Variants in SHROOM4 observed in about 807,000 individuals in gnomAD.
SHROOM4 encodes shroom family member 4, also known as protein Shroom4.
Under a neutral mutation model 80.3 loss-of-function variants are expected in SHROOM4, and 17 were observed. That is an observed-to-expected ratio of 0.21 (90% confidence interval 0.14 to 0.32). SHROOM4 has a LOEUF of 0.32. Among genes scored for constraint, SHROOM4 ranks in the 10% least tolerant of loss-of-function variants. The probability of loss-of-function intolerance (pLI) is 1.00; values close to 1 mark genes in which losing one functional copy is unlikely to be tolerated. For synonymous variants in SHROOM4, 400 were observed against 437.5 expected, an observed-to-expected ratio of 0.91 and a Z score of 1.07; for missense variants, 993 against 1,140.3, an observed-to-expected ratio of 0.87 and a Z score of 1.86.
At chrX:50,620,082 C>T (rs1930511760) in intron 5 of SHROOM4, among the ~76,000 whole-genome samples, 1 of 111,440 alleles carries the variant, frequency 9.0e-6, no homozygotes, top group African/African-American at 3.3e-5. Flanking sequence ...TTACAAAGCC[C>T]TTGATCTTTA....
chrX:50,686,254 C>T (rs1381828253), intron 2 of SHROOM4, among the ~76,000 whole-genome samples: 1 of 110,228 alleles, frequency 9.1e-6, no homozygotes, highest in Non-Finnish European at 1.9e-5. Context: ...CCAGGATGGT[C>T]GCGATCTCCT....
chrX:50,633,716 G>A lies in SHROOM4; in HGVS notation c.2357C>T (p.Thr786Ile), dbSNP rs782756007. The A allele has an allele frequency of 1.7e-6, 2 of 1,212,057 alleles. No individual in the cohort carries two copies. Among genetic ancestry groups the A allele is most frequent in the South Asian group, 3.5e-5 (2 of 56,995 alleles). Residue 786 changes from threonine (T) to isoleucine (I), a missense_variant, in exon 4 of 9, where the codon ACA becomes ATA. Transcript: ENST00000376020. ...AGTGGTTAAACCTGGCAAATGAGAT[G>A]TAGATAAGGATTTGCTACTCTCTTC... is the stretch of plus-strand genomic sequence containing the variant. Reference protein sequence around the residue: ...FFEESSKSLSTSHLPGLTTHS... With the variant: ...FFEESSKSLSISHLPGLTTHS...
chrX:50,692,158 T>C lies in SHROOM4; in HGVS notation c.269+3628A>G, dbSNP rs782438242. Among the ~76,000 whole-genome samples, 311 of 112,105 alleles carry C rather than the reference T, an allele frequency of 2.8e-3. 1 individual carries two copies. The highest frequency in any genetic ancestry group is 9.7e-3 in the African/African-American group (299 of 30,862). On this transcript the variant is annotated intron_variant, in intron 2 of 8. Transcript: ENST00000376020. ...AGGAAAGAGGACATGGAACTCACCC[T>C]GGCGAGATGAGTGGGTGAAACACCT...
intron 2 of SHROOM4, among the ~76,000 whole-genome samples, chrX:50,648,932 A>C (rs1157567022): frequency 8.9e-6 from 1 of 111,932 alleles, no homozygotes; most frequent in African/African-American, 3.3e-5. Context: ...TATTATAGGA[A>C]AGTTATTATG....
chrX:50,630,091 A>G (rs1445553016), intron 4 of SHROOM4, among the ~76,000 whole-genome samples: 2 of 111,052 alleles, frequency 1.8e-5, no homozygotes, highest in African/African-American at 6.6e-5. Flanking sequence ...GAGTACAAAA[A>G]ATAGAGGCAT....
At chrX:50,692,746 G>A (rs1933254770) in intron 2 of SHROOM4, among the ~76,000 whole-genome samples, 1 of 111,535 alleles carries the variant, frequency 9.0e-6, no homozygotes, top group African/African-American at 3.3e-5. Flanking sequence ...TACATGGGCA[G>A]GTATGGATTA....
intron 2 of SHROOM4, among the ~76,000 whole-genome samples, chrX:50,688,130 A>G (rs1375829286): frequency 9.0e-6 from 1 of 111,623 alleles, no homozygotes; most frequent in Non-Finnish European, 1.9e-5. Context: ...TAGTACATAA[A>G]TCAATAGGTT....
chrX:50,696,647 A>G (rs1289258397), intron 1 of SHROOM4, among the ~76,000 whole-genome samples: 1 of 112,513 alleles, frequency 8.9e-6, no homozygotes, highest in Non-Finnish European at 1.9e-5. Context: ...GGTACAATGT[A>G]GCTGCTTCTT....
At chrX:50,769,033 C>G (rs1270870655) in intron 1 of SHROOM4, among the ~76,000 whole-genome samples, 2 of 111,395 alleles carry the variant, frequency 1.8e-5, no homozygotes, top group Non-Finnish European at 3.8e-5. Context: ...GAGCCATTTC[C>G]TGAGCAGATC....
chrX:50,708,971 GGTCA>G (rs1470284143), intron 1 of SHROOM4, among the ~76,000 whole-genome samples: 6 of 111,399 alleles, frequency 5.4e-5, no homozygotes, highest in Non-Finnish European at 1.1e-4. Flanking sequence ...TAGACTGAGT[GGTCA>G]GTCAATGAAG....
Position 50,608,224 on chromosome X carries a change from T to G in SHROOM4, c.2958-40A>C. The G allele has an allele frequency of 7.7e-6, 9 of 1,164,274 alleles. 1 individual carries two copies. The South Asian group carries it at 1.6e-4, about 21-fold the overall frequency. On this transcript the variant is annotated intron_variant, in intron 5 of 8. Coordinates refer to ENST00000376020, the MANE Select transcript of SHROOM4 (RefSeq NM_020717.5). ...ATGAGTACTGAGAAAAACAAGCAAG[T>G]TGCAGATAGGCCCATATTTTGGATG... is the stretch of plus-strand genomic sequence containing the variant.
At chrX:50,744,373 G>C in intron 1 of SHROOM4, among the ~76,000 whole-genome samples, 1 of 111,053 alleles carries the variant, frequency 9.0e-6, no homozygotes, top group Non-Finnish European at 1.9e-5. Flanking sequence ...ATAAAATATT[G>C]TTGGCCTTAA....
chrX:50,728,175 C>T (rs1192727194), intron 1 of SHROOM4, among the ~76,000 whole-genome samples: 2 of 110,248 alleles, frequency 1.8e-5, no homozygotes, highest in African/African-American at 6.6e-5. Context: ...CTGGCTAACA[C>T]GGTGAAACCC....
intron 1 of SHROOM4, among the ~76,000 whole-genome samples, chrX:50,803,086 A>T (rs1557272773): frequency 8.9e-6 from 1 of 112,179 alleles, no homozygotes; most frequent in African/African-American, 3.2e-5. Flanking sequence ...GCTACTCGGG[A>T]GGCTGAGGTA....
At chrX:50,647,560 C>G (rs1283558381) in intron 2 of SHROOM4, among the ~76,000 whole-genome samples, 1 of 111,851 alleles carries the variant, frequency 8.9e-6, no homozygotes, top group Non-Finnish European at 1.9e-5. Flanking sequence ...TGGTTTCTAT[C>G]AGTAACATTT....
intron 1 of SHROOM4, among the ~76,000 whole-genome samples, chrX:50,776,657 C>T (rs1434632147): frequency 9.0e-6 from 1 of 111,450 alleles, no homozygotes; most frequent in African/African-American, 3.3e-5. Context: ...ATATCATTTA[C>T]ATATCTGCTA....
intron 1 of SHROOM4, among the ~76,000 whole-genome samples, chrX:50,727,808 T>C (rs1934274491): frequency 8.9e-6 from 1 of 111,955 alleles, no homozygotes; most frequent in Non-Finnish European, 1.9e-5. Flanking sequence ...CTTGCTCATA[T>C]AATAGGGGTG....
At chrX:50,613,990 A>T (rs1269444143) in intron 5 of SHROOM4, among the ~76,000 whole-genome samples, 1 of 112,132 alleles carries the variant, frequency 8.9e-6, no homozygotes. Flanking sequence ...ACTGAAGTCA[A>T]CTCAAATGCA....
At chrX:50,778,873 A>T (rs1557270362) in intron 1 of SHROOM4, among the ~76,000 whole-genome samples, 1 of 111,476 alleles carries the variant, frequency 9.0e-6, no homozygotes, top group Non-Finnish European at 1.9e-5. Context: ...CAGCTACATG[A>T]CCTTAGGCAC....
Sources: allele counts gnomAD v4.1 joint callset (sites outside exome capture counted in the v4.1 genomes callset), GRCh38; gene constraint gnomAD v4.1.1; transcripts MANE v1.5; gene names NCBI Gene and HGNC (gene_info 2026-07-23, HGNC 2026-07-21).